Variants in MTUS2 observed in about 807,000 individuals in gnomAD.
MTUS2 encodes the protein microtubule associated scaffold protein 2.
MTUS2 carries 40 observed loss-of-function variants against 114.1 expected under a neutral mutation model. That is an observed-to-expected ratio of 0.35 (90% CI 0.27 to 0.46). The LOEUF is 0.46. MTUS2 is among the 20% of genes least tolerant of loss of function. MTUS2 has a pLI of 1.00. For missense variants in MTUS2, 1,679 were observed against 1,705.4 expected, an observed-to-expected ratio of 0.98 and a Z score of 0.27; for synonymous variants, 688 against 672.0, an observed-to-expected ratio of 1.02 and a Z score of -0.37.
chr13:29,489,710 A>C (rs1404403390), intron 11 of MTUS2: 1 of 152,252 alleles, frequency 6.6e-6, no homozygotes, highest in Admixed American at 6.5e-5. Flanking sequence ...AATACGCAGG[A>C]AAACTTGAGG....
At chr13:29,194,054 A>T (rs1304983177) in intron 5 of MTUS2, among the ~76,000 whole-genome samples, 4 of 151,206 alleles carry the variant, frequency 2.6e-5, no homozygotes, top group African/African-American at 9.7e-5. Context: ...TAGAAAGCTG[A>T]AACTGGATCC....
chr13:29,362,006 G>A (rs916988127), intron 8 of MTUS2, among the ~76,000 whole-genome samples: 11 of 152,140 alleles, frequency 7.2e-5, no homozygotes, highest in East Asian at 5.8e-4. Flanking sequence ...TGTGCACTTC[G>A]TCATCATCAC....
intron 4 of MTUS2, among the ~76,000 whole-genome samples, chr13:29,038,519 CA>C (rs1887187292): frequency 6.6e-6 from 1 of 152,348 alleles, no homozygotes; most frequent in South Asian, 2.1e-4. Context: ...GCATGGAGTT[CA>C]GGGACCCACT....
chr13:29,156,739 T>TA (rs1455093331), intron 5 of MTUS2, among the ~76,000 whole-genome samples: 1 of 152,196 alleles, frequency 6.6e-6, no homozygotes, highest in African/African-American at 2.4e-5. Context: ...TATGAAAAGA[T>TA]ACCTATATTG....
chr13:29,161,332 A>T (rs1893087520), intron 5 of MTUS2, among the ~76,000 whole-genome samples: 1 of 152,142 alleles, frequency 6.6e-6, no homozygotes. Flanking sequence ...TTAATTTCTC[A>T]AAATTTCATG....
intron 2 of MTUS2, among the ~76,000 whole-genome samples, chr13:28,927,102 A>G (rs930749255): frequency 3.3e-5 from 5 of 152,230 alleles, no homozygotes; most frequent in African/African-American, 1.2e-4. Context: ...TATAGTAATC[A>G]GATTTTCTTC....
chr13:28,987,075 T>C (rs1013741996), intron 2 of MTUS2, among the ~76,000 whole-genome samples: 1 of 152,182 alleles, frequency 6.6e-6, no homozygotes, highest in African/African-American at 2.4e-5. Flanking sequence ...GGCTGAATAA[T>C]TGACCCCAAA....
chr13:28,959,697 A>T (rs548648577), intron 2 of MTUS2, among the ~76,000 whole-genome samples: 122 of 152,298 alleles, frequency 8.0e-4, no homozygotes, highest in African/African-American at 2.8e-3. Context: ...AAGTGAACTC[A>T]TAGAGTGAGA....
At chr13:28,825,381 C>T (rs1593224132) in intron 1 of MTUS2, among the ~76,000 whole-genome samples, 1 of 152,112 alleles carries the variant, frequency 6.6e-6, no homozygotes, top group South Asian at 2.1e-4. Context: ...CAGTGGAAAC[C>T]ACACGGCTCT....
chr13:29,307,688 A>G (rs1899540347), intron 6 of MTUS2: 11 of 1,140,152 alleles, frequency 9.6e-6, no homozygotes, highest in South Asian at 1.2e-5. Context: ...ATTGCCCTCA[A>G]CGACCACTTT....
intron 4 of MTUS2, among the ~76,000 whole-genome samples, chr13:29,094,589 G>C (rs186003943): frequency 3.3e-5 from 5 of 152,088 alleles, no homozygotes; most frequent in African/African-American, 9.6e-5. Context: ...GGCTGGCTCA[G>C]CTAAAGGTTT....
At chr13:29,306,207 A>G (rs1899448594) in intron 6 of MTUS2, among the ~76,000 whole-genome samples, 1 of 152,234 alleles carries the variant, frequency 6.6e-6, no homozygotes, top group African/African-American at 2.4e-5. Flanking sequence ...AGTTAGAAGC[A>G]TTGTTCTTGA....
chr13:28,906,232 T>G (rs1162225122), intron 2 of MTUS2, among the ~76,000 whole-genome samples: 1 of 151,410 alleles, frequency 6.6e-6, no homozygotes, highest in Non-Finnish European at 1.5e-5. Flanking sequence ...TTTTTTGAAG[T>G]GTTTTTTATG....
intron 4 of MTUS2, among the ~76,000 whole-genome samples, chr13:29,098,571 A>G (rs1890278666): frequency 6.6e-6 from 1 of 152,218 alleles, no homozygotes; most frequent in African/African-American, 2.4e-5. Context: ...CAATTTAGAG[A>G]CTGGCTTCCT....
chr13:29,162,211 C>T (rs1407653201), intron 5 of MTUS2, among the ~76,000 whole-genome samples: 13 of 152,164 alleles, frequency 8.5e-5, no homozygotes, highest in Admixed American at 8.5e-4. Flanking sequence ...CTCATCTTAA[C>T]TTGATAACAT....
At position 28,994,647 on chromosome 13, in the gene MTUS2, G is replaced by A. The variant is rs1038014878; in HGVS notation, c.-242-29810G>A. Among the ~76,000 whole-genome samples, 19 of 152,274 alleles carry A rather than the reference G, an allele frequency of 1.2e-4. No homozygotes were observed. In the East Asian group the frequency reaches 1.7e-3, roughly 14 times the overall value. ...GGTTTTGATTTTCATTTCTCTGATGGCCAGTGATGGTGAACGTTTTTTCAT... is the reference window on the plus strand; with the variant it reads ...GGTTTTGATTTTCATTTCTCTGATGACCAGTGATGGTGAACGTTTTTTCAT... On this transcript the variant is annotated intron_variant, in intron 2 of 15. Coordinates refer to ENST00000612955, the MANE Select transcript of MTUS2 (RefSeq NM_001033602.4).
intron 8 of MTUS2, among the ~76,000 whole-genome samples, chr13:29,415,363 C>G (rs933209671): frequency 2.0e-5 from 3 of 152,132 alleles, no homozygotes; most frequent in Non-Finnish European, 4.4e-5. Flanking sequence ...TAGAAAAACT[C>G]CTTCATAAAG....
At chr13:28,918,745 TCTTC>T (rs1172013107) in intron 2 of MTUS2, among the ~76,000 whole-genome samples, 4 of 152,064 alleles carry the variant, frequency 2.6e-5, no homozygotes, top group Admixed American at 2.0e-4. Context: ...TGCTTTGTGG[TCTTC>T]CTTCTTTCCT....
intron 6 of MTUS2, among the ~76,000 whole-genome samples, chr13:29,301,477 T>G (rs984597121): frequency 2.0e-5 from 3 of 152,230 alleles, no homozygotes; most frequent in Admixed American, 2.0e-4. Context: ...CATATTTCTT[T>G]CTCTACATGA....
Sources: allele counts gnomAD v4.1 joint callset (sites outside exome capture counted in the v4.1 genomes callset), GRCh38; gene constraint gnomAD v4.1.1; transcripts MANE v1.5; gene names NCBI Gene and HGNC (gene_info 2026-07-23, HGNC 2026-07-21).